Variants in HTR3B observed in about 807,000 individuals in gnomAD.
The protein encoded by HTR3B is 5-hydroxytryptamine receptor 3B, also known as 5-hydroxytryptamine (serotonin) receptor 3B, ionotropic.
A neutral mutation model predicts 42.8 loss-of-function variants in HTR3B; 44 were observed. The ratio of observed to expected loss-of-function variants is 1.03; its 90% CI spans 0.81 to 1.32. HTR3B has a LOEUF of 1.32. Among genes scored for constraint, HTR3B ranks in the 40% most tolerant of loss-of-function variants. HTR3B has a pLI of 0.00. For missense variants in HTR3B, 527 were observed against 536.5 expected, an observed-to-expected ratio of 0.98 and a Z score of 0.17; for synonymous variants, 203 against 209.0, an observed-to-expected ratio of 0.97 and a Z score of 0.25.
At position 113,911,825 on chromosome 11, in the gene HTR3B, G is replaced by C. The variant is rs192472373; in HGVS notation, c.213+2370G>C. The stretch of plus-strand genomic sequence containing the variant: ...ATTACAGGCATGAGCCACGGTGCCC[G>C]GCCATATAACCCATATCTCTATCAA... On this transcript the variant is annotated intron_variant, in intron 2 of 8. Coordinates refer to ENST00000260191, the MANE Select transcript of HTR3B (RefSeq NM_006028.5). Among the ~76,000 whole-genome samples, 33 of 152,176 alleles carry C rather than the reference G, an allele frequency of 2.2e-4. No homozygotes were observed. The East Asian group carries it at 5.4e-3, about 25-fold the overall frequency.
At chr11:113,919,199 CATT>C (rs1276666816) in intron 2 of HTR3B, among the ~76,000 whole-genome samples, 1 of 152,078 alleles carries the variant, frequency 6.6e-6, no homozygotes, top group African/African-American at 2.4e-5. Context: ...CCATATTCAT[CATT>C]AACTTATTAC....
intron 2 of HTR3B, among the ~76,000 whole-genome samples, chr11:113,920,319 C>A (rs1326628668): frequency 6.7e-6 from 1 of 149,126 alleles, no homozygotes; most frequent in Admixed American, 6.7e-5. Context: ...TGAGCCACCG[C>A]GCCTGGCCCA....
intron 6 of HTR3B, among the ~76,000 whole-genome samples, chr11:113,938,995 A>T (rs1297277461): frequency 2.1e-5 from 3 of 144,622 alleles, no homozygotes; most frequent in African/African-American, 7.7e-5. Context: ...AATTGTGTCT[A>T]AAAAAAAAAA....
intron 2 of HTR3B, among the ~76,000 whole-genome samples, chr11:113,921,945 T>G (rs1385664257): frequency 6.6e-6 from 1 of 152,186 alleles, no homozygotes; most frequent in African/African-American, 2.4e-5. Context: ...AAATTTTATA[T>G]TCTGTCCCTC....
chr11:113,902,357 T>C (rs1418465158), upstream of HTR3B, among the ~76,000 whole-genome samples: 1 of 152,078 alleles, frequency 6.6e-6, no homozygotes, highest in South Asian at 2.1e-4. Context: ...AGTGCAGTGG[T>C]GTGATCTCGG....
intron 7 of HTR3B, among the ~76,000 whole-genome samples, chr11:113,943,871 AGAAGGAAG>A (rs575677081): frequency 3.3e-5 from 5 of 151,524 alleles, no homozygotes; most frequent in African/African-American, 7.3e-5. Context: ...AAGAGAGAAA[AGAAGGAAG>A]GAAGGAAGGA....
At chr11:113,934,516 C>G (rs932814256) in intron 6 of HTR3B, among the ~76,000 whole-genome samples, 5 of 151,976 alleles carry the variant, frequency 3.3e-5, no homozygotes, top group Non-Finnish European at 5.9e-5. Flanking sequence ...ACAGGTATCC[C>G]TTAATTGGTT....
At position 113,942,976 on chromosome 11, in the gene HTR3B, G is replaced by T; in HGVS notation, c.697-6G>T. 2 of 1,613,634 alleles carry T rather than the reference G, an allele frequency of 1.2e-6. No homozygotes were observed. Among genetic ancestry groups the T allele is most frequent in the South Asian group, 1.1e-5 (1 of 91,018 alleles). ...TCTTTTCATCAGACCACTTGTTCCC[G>T]GCCAGGTGGTGATGCGCAGGCACCC... On this transcript the variant is annotated splice_region_variant and splice_polypyrimidine_tract_variant and intron_variant, in intron 6 of 8. Transcript: ENST00000260191.
chr11:113,934,070 T>A (rs1950065255), intron 6 of HTR3B, among the ~76,000 whole-genome samples: 1 of 152,164 alleles, frequency 6.6e-6, no homozygotes, highest in Non-Finnish European at 1.5e-5. Flanking sequence ...GTACAATGGA[T>A]ATGCTAAGGG....
chr11:113,909,336 C>T lies in HTR3B; in HGVS notation c.94C>T (p.Leu32=), dbSNP rs749350569. Residue 32 remains leucine, a synonymous_variant, in exon 2 of 9, where the codon CTG becomes TTG. Coordinates refer to ENST00000260191, the MANE Select transcript of HTR3B (RefSeq NM_006028.5). The part of the protein sequence containing the change: ...TDTHHPQDSA[L]YHLSKQLLQK... The stretch of plus-strand genomic sequence containing the variant: ...TACACATCATCCCCAGGATTCTGCT[C>T]TGTATCATCTCAGCAAGCAGCTATT... 7 of 1,612,664 alleles carry T rather than the reference C, an allele frequency of 4.3e-6. No homozygotes were observed. Among genetic ancestry groups the T allele is most frequent in the Non-Finnish European group, 5.1e-6 (6 of 1,178,752 alleles).
chr11:113,919,020 T>C (rs1437355647), intron 2 of HTR3B, among the ~76,000 whole-genome samples: 1 of 152,224 alleles, frequency 6.6e-6, no homozygotes, highest in Non-Finnish European at 1.5e-5. Flanking sequence ...ATTTGTTTTC[T>C]AGTTTTCTCA....
upstream of HTR3B, among the ~76,000 whole-genome samples, chr11:113,903,428 CTTTT>C (rs57289369): frequency 7.4e-5 from 9 of 121,076 alleles, no homozygotes; most frequent in East Asian, 2.4e-4. Context: ...CTTTTCTTTT[CTTTT>C]TTTTTTTTTT....
At position 113,931,845 on chromosome 11, in the gene HTR3B, C is replaced by T. The variant is rs572813069; in HGVS notation, c.346C>T (p.Pro116Ser). ...ISLPLSAIWA[P>S]DIIINEFVDI... ...CCTACCTCTAAGTGCCATCTGGGCC[C>T]CCGATATCATCATCAATGAGTTGTA... Residue 116 changes from proline (P) to serine (S), a missense_variant, in exon 4 of 9, where the codon CCC (proline) becomes TCC (serine). Transcript: ENST00000260191. The T allele has an allele frequency of 3.8e-6, 6 of 1,594,730 alleles. No homozygotes were observed. In the Admixed American group the frequency reaches 8.3e-5, roughly 22 times the overall value.
intron 2 of HTR3B, among the ~76,000 whole-genome samples, chr11:113,914,044 T>TA (rs201797081): frequency 0.1 from 14,480 of 144,056 alleles, 826 homozygotes; most frequent in Middle Eastern, 0.18. Context: ...GAAAAATATA[T>TA]TTTTTTTTTT....
intron 6 of HTR3B, among the ~76,000 whole-genome samples, chr11:113,942,207 C>T (rs993830468): frequency 1.3e-5 from 2 of 152,140 alleles, no homozygotes; most frequent in Non-Finnish European, 2.9e-5. Flanking sequence ...CCATCTCTAG[C>T]AGAGCTTGCA....
intron 2 of HTR3B, among the ~76,000 whole-genome samples, chr11:113,926,973 G>A (rs138608228): frequency 1.4e-4 from 22 of 152,270 alleles, no homozygotes; most frequent in Non-Finnish European, 2.2e-4. Context: ...GTGGTATCTC[G>A]TCGTGGTTTT....
chr11:113,916,122 C>G (rs1949851032), intron 2 of HTR3B, among the ~76,000 whole-genome samples: 1 of 152,242 alleles, frequency 6.6e-6, no homozygotes, highest in African/African-American at 2.4e-5. Flanking sequence ...TAGGCATGAG[C>G]CACCGTGCCC....
At chr11:113,931,917 T>G (rs186735881) in intron 4 of HTR3B, 50 bp downstream of exon 4, 4 of 1,040,722 alleles carry the variant, frequency 3.8e-6, no homozygotes, top group Non-Finnish European at 6.1e-6. Flanking sequence ...CTTGGTATAG[T>G]CGGGCCAGTT....
intron 7 of HTR3B, among the ~76,000 whole-genome samples, chr11:113,943,750 C>T (rs1950154800): frequency 6.6e-6 from 1 of 151,494 alleles, no homozygotes; most frequent in Non-Finnish European, 1.5e-5. Flanking sequence ...AAGTTTGAGT[C>T]TGCAGTGAGC....
Sources: allele counts gnomAD v4.1 joint callset (sites outside exome capture counted in the v4.1 genomes callset), GRCh38; gene constraint gnomAD v4.1.1; transcripts MANE v1.5; gene names NCBI Gene and HGNC (gene_info 2026-07-23, HGNC 2026-07-21).